RASAL2: variants seen among roughly 807,000 people sequenced by gnomAD.
RASAL2 encodes RAS protein activator like 2, also known as ras GTPase-activating protein nGAP.
In RASAL2, 58 loss-of-function variants were observed where a neutral mutation model predicts 128.9. The ratio of observed to expected loss-of-function variants is 0.45; its 90% confidence interval spans 0.36 to 0.56. The LOEUF (loss-of-function observed/expected upper bound fraction) is 0.56. Ranked by LOEUF, RASAL2 falls within the 20% of genes least tolerant of loss-of-function variation. RASAL2 has a pLI of 0.00. For synonymous variants in RASAL2, 561 were observed against 580.8 expected, an observed-to-expected ratio of 0.97 and a Z score of 0.49; for missense variants, 1,360 against 1,601.6, an observed-to-expected ratio of 0.85 and a Z score of 2.57.
Position 178,151,790 on chromosome 1 carries a change from T to G in RASAL2, c.202+57096T>G, listed in dbSNP as rs1660923336. On this transcript the variant is annotated intron_variant, in intron 1 of 17. Coordinates refer to ENST00000367649, the MANE Select transcript of RASAL2 (RefSeq NM_170692.4). Reference sequence around the variant, plus strand: ...TTCTGAGGCTGGGTCATGAGAAGAATTACAAACTTCTGCCTTGATACTTGT... The same window carrying G: ...TTCTGAGGCTGGGTCATGAGAAGAAGTACAAACTTCTGCCTTGATACTTGT... 3.9e-5 allele frequency among the ~76,000 whole-genome samples: 6 copies of G among 152,302 alleles called. No individual in the cohort carries two copies. In the South Asian group the frequency reaches 1.2e-3, roughly 32 times the overall value.
intron 4 of RASAL2, among the ~76,000 whole-genome samples, chr1:178,393,377 C>T (rs1335617039): frequency 6.6e-6 from 1 of 152,194 alleles, no homozygotes; most frequent in Non-Finnish European, 1.5e-5. Flanking sequence ...GATCCTCACG[C>T]AGTAGATTCT....
chr1:178,119,739 G>A (rs1444714034), intron 1 of RASAL2, among the ~76,000 whole-genome samples: 2 of 152,172 alleles, frequency 1.3e-5, no homozygotes, highest in Non-Finnish European at 2.9e-5. Flanking sequence ...AAGCACTGTT[G>A]CCTTGTTGTC....
chr1:178,416,445 A>T (rs2102729346), intron 4 of RASAL2, among the ~76,000 whole-genome samples: 1 of 152,194 alleles, frequency 6.6e-6, no homozygotes, highest in East Asian at 1.9e-4. Context: ...AGACATAAGC[A>T]TATATACATA....
At chr1:178,131,007 T>C (rs1406191237) in intron 1 of RASAL2, among the ~76,000 whole-genome samples, 2 of 62,294 alleles carry the variant, frequency 3.2e-5, no homozygotes, top group African/African-American at 9.9e-5. Context: ...TGAGCCGAGA[T>C]AGCACCACTG....
intron 4 of RASAL2, among the ~76,000 whole-genome samples, chr1:178,411,153 T>C (rs1674346560): frequency 1.9e-5 from 1 of 53,552 alleles, no homozygotes; most frequent in Non-Finnish European, 3.3e-5. Flanking sequence ...GAAAATGTGG[T>C]GTGTGTGTGT....
Position 178,462,817 on chromosome 1 carries a change from T to G in RASAL2, c.3253-1461T>G, listed in dbSNP as rs144526460. Among the ~76,000 whole-genome samples, 88 of 152,316 alleles carry G rather than the reference T, an allele frequency of 5.8e-4. 1 individual carries two copies. Among genetic ancestry groups the G allele is most frequent in the Non-Finnish European group, 2.2e-4 (15 of 68,006 alleles). On this transcript the variant is annotated intron_variant, in intron 14 of 17. Coordinates refer to ENST00000367649, the MANE Select transcript of RASAL2 (RefSeq NM_170692.4). ...CAATTGCTTAGTGTGTACGGGTCTATTTATATAAACTATGCACATCCATCC... is the reference window on the plus strand; with the variant it reads ...CAATTGCTTAGTGTGTACGGGTCTAGTTATATAAACTATGCACATCCATCC...
intron 1 of RASAL2, among the ~76,000 whole-genome samples, chr1:178,144,641 A>C (rs1660657059): frequency 6.6e-6 from 1 of 152,174 alleles, no homozygotes; most frequent in Admixed American, 6.5e-5. Context: ...GGAATGGGGT[A>C]AAAGAATTGT....
chr1:178,205,254 C>T (rs1197069351), intron 1 of RASAL2, among the ~76,000 whole-genome samples: 2 of 152,078 alleles, frequency 1.3e-5, no homozygotes, highest in Non-Finnish European at 2.9e-5. Context: ...ATTTGCCTGC[C>T]TTGGCCTCCC....
intron 4 of RASAL2, among the ~76,000 whole-genome samples, chr1:178,406,854 G>A (rs1285011767): frequency 6.6e-6 from 1 of 151,384 alleles, no homozygotes; most frequent in Non-Finnish European, 1.5e-5. Context: ...ACATAATGTA[G>A]CATAATGACA....
intron 3 of RASAL2, among the ~76,000 whole-genome samples, chr1:178,339,903 G>C (rs1453226628): frequency 6.6e-6 from 1 of 152,126 alleles, no homozygotes; most frequent in African/African-American, 2.4e-5. Flanking sequence ...TGAATGACTG[G>C]TTGGACTAGA....
At chr1:178,189,626 T>C (rs1420834209) in intron 1 of RASAL2, among the ~76,000 whole-genome samples, 1 of 152,190 alleles carries the variant, frequency 6.6e-6, no homozygotes. Context: ...GCAGTCTCAC[T>C]GTAAAAAACA....
At chr1:178,260,754 T>C (rs1454386219) in intron 1 of RASAL2, among the ~76,000 whole-genome samples, 1 of 152,082 alleles carries the variant, frequency 6.6e-6, no homozygotes, top group African/African-American at 2.4e-5. Flanking sequence ...CTCCACTCCT[T>C]CTGTGAAACC....
chr1:178,341,456 A>G (rs1009479872), intron 3 of RASAL2: 42 of 1,488,336 alleles, frequency 2.8e-5, no homozygotes, highest in Non-Finnish European at 3.7e-5. Context: ...TCTGCATTCC[A>G]AACTGTCTGA....
chr1:178,356,210 A>G (rs1670803115), intron 3 of RASAL2, among the ~76,000 whole-genome samples: 1 of 151,620 alleles, frequency 6.6e-6, no homozygotes, highest in African/African-American at 2.4e-5. Context: ...ACCCCCACAT[A>G]ATCTCCAGAT....
chr1:178,366,589 CCCCG>C (rs1288240307), intron 3 of RASAL2, among the ~76,000 whole-genome samples: 8 of 86,804 alleles, frequency 9.2e-5, no homozygotes, highest in African/African-American at 5.0e-4. Context: ...TCCCACCCCC[CCCCG>C]CCAAAAAAAA....
At chr1:178,184,876 G>A (rs542363411) in intron 1 of RASAL2, among the ~76,000 whole-genome samples, 4 of 152,006 alleles carry the variant, frequency 2.6e-5, no homozygotes, top group Non-Finnish European at 5.9e-5. Flanking sequence ...AATTGAGATT[G>A]TGTTGAATAT....
chr1:178,455,724 A>G (rs547607981), intron 12 of RASAL2, among the ~76,000 whole-genome samples: 2 of 152,320 alleles, frequency 1.3e-5, no homozygotes, highest in Non-Finnish European at 2.9e-5. Context: ...GGTGGCATCT[A>G]TCCCTGTTTG....
rs148881746 is a variant in RASAL2 at position 178,275,095 on chromosome 1, T to C, written c.203-8469T>C. Among the ~76,000 whole-genome samples the C allele has an allele frequency of 2.4e-3, 367 of 152,352 alleles. 5 individuals carry two copies. The highest frequency in any genetic ancestry group is 7.8e-3 in the African/African-American group (324 of 41,576). ...CTGTGATGGACTGCCATTTCTCATC[T>C]TACTGCTGGCACCATTCATAAGACT... is the stretch of plus-strand genomic sequence containing the variant. On this transcript the variant is annotated intron_variant, in intron 1 of 17. Coordinates refer to ENST00000367649, the MANE Select transcript of RASAL2 (RefSeq NM_170692.4).
At chr1:178,229,309 C>T (rs1252857266) in intron 1 of RASAL2, among the ~76,000 whole-genome samples, 2 of 151,980 alleles carry the variant, frequency 1.3e-5, no homozygotes, top group Non-Finnish European at 2.9e-5. Context: ...GTCAGTTGTC[C>T]CAATAATGTC....
Sources: gnomAD v4.1 joint callset for allele counts (sites outside exome capture counted in the v4.1 genomes callset) on GRCh38, gnomAD v4.1.1 for gene constraint, MANE v1.5 for transcripts, NCBI Gene and HGNC (gene_info 2026-07-23, HGNC 2026-07-21) for gene names.